Variants in ZNF180 observed in about 807,000 individuals in gnomAD.
ZNF180 encodes the protein zinc finger protein 180 (HHZ168).
A neutral mutation model predicts 11.8 loss-of-function variants in ZNF180; 11 were observed. The observed-to-expected ratio is 0.93, with a 90% CI of 0.59 to 1.55. The LOEUF is 1.55. ZNF180 is among the 40% of genes most tolerant of loss of function. The pLI, the probability that ZNF180 is intolerant of heterozygous loss-of-function variation, is 0.00. For synonymous variants in ZNF180, 287 were observed against 257.7 expected, an observed-to-expected ratio of 1.11 and a Z score of -1.09; for missense variants, 773 against 781.7, an observed-to-expected ratio of 0.99 and a Z score of 0.13.
intron 1 of ZNF180, among the ~76,000 whole-genome samples, chr19:44,498,654 G>A (rs539219916): frequency 9.2e-5 from 14 of 152,136 alleles, no homozygotes; most frequent in South Asian, 2.1e-4. Flanking sequence ...ACCAAACACC[G>A]GTGTGTGTGC....
At chr19:44,487,438 T>C (rs1332508308) in intron 2 of ZNF180, among the ~76,000 whole-genome samples, 1 of 152,226 alleles carries the variant, frequency 6.6e-6, no homozygotes, top group Non-Finnish European at 1.5e-5. Context: ...ACTGCCTTTT[T>C]ATTTTTTGTA....
At position 44,479,288 on chromosome 19, in the gene ZNF180, G is replaced by C; in HGVS notation, c.248C>G (p.Ser83Cys). Residue 83 changes from serine to cysteine, a missense_variant, in exon 4 of 5, where the codon TCT (serine) becomes TGT (cysteine). Coordinates refer to ENST00000592529, the MANE Select transcript of ZNF180 (RefSeq NM_001278509.3). ...AAAGAGGAGTGTATTCTTACCCCAA[G>C]AGACTAGGTCCCTGTGGTTCTCCAG... ...VILENHRDLV[S>C]WDLATAVGKK... 6.2e-7 allele frequency: 1 copy of C among 1,613,382 alleles called. No individual in the cohort carries two copies. The highest frequency in any genetic ancestry group is 8.5e-7 in the Non-Finnish European group (1 of 1,179,678).
chr19:44,476,192 T>A lies in ZNF180; in HGVS notation c.*210A>T. 2.1e-6 allele frequency: 1 copy of A among 467,412 alleles called. No homozygotes were observed. Among genetic ancestry groups the A allele is most frequent in the South Asian group, 4.6e-5 (1 of 21,640 alleles). 29.0% of individuals were successfully genotyped at this position (467,412 alleles called of 1,614,324 possible). A position where few individuals can be genotyped will look rare whatever the true frequency, so the allele number is the denominator to read the frequency against. ...TATGTCATAAGAATCAAGTTTAACATTGTATATGGAATTGCCAGGTTGAAA... is the reference window on the plus strand; with the variant it reads ...TATGTCATAAGAATCAAGTTTAACAATGTATATGGAATTGCCAGGTTGAAA... On this transcript the variant is annotated 3_prime_UTR_variant, in exon 5 of 5. Coordinates refer to ENST00000592529, the MANE Select transcript of ZNF180 (RefSeq NM_001278509.3).
intron 3 of ZNF180, among the ~76,000 whole-genome samples, chr19:44,483,579 C>G (rs775863311): frequency 6.6e-6 from 1 of 152,196 alleles, no homozygotes; most frequent in Non-Finnish European, 1.5e-5. Context: ...CTATTTTAAG[C>G]CTTCTCTACC....
chr19:44,489,038 C>A (rs1970335808), intron 2 of ZNF180, among the ~76,000 whole-genome samples: 1 of 150,956 alleles, frequency 6.6e-6, no homozygotes, highest in Admixed American at 6.6e-5. Flanking sequence ...CCGGCAGCCA[C>A]CCCGTCCGGG....
Position 44,478,916 on chromosome 19 carries a change from G to A in ZNF180, c.253+367C>T, listed in dbSNP as rs573340513. ...GTGTCTGGTTCTCACTTGAACACAT[G>A]TATTGGAAAATTCTTTTTATATTCT... On this transcript the variant is annotated intron_variant, in intron 4 of 4. Coordinates refer to ENST00000592529, the MANE Select transcript of ZNF180 (RefSeq NM_001278509.3). 3.4e-4 allele frequency among the ~76,000 whole-genome samples: 52 copies of A among 152,294 alleles called. No individual in the cohort carries two copies. In the South Asian group the frequency reaches 0.01, roughly 30 times the overall value.
At chr19:44,488,431 G>A (rs1216166855) in intron 2 of ZNF180, among the ~76,000 whole-genome samples, 2 of 151,912 alleles carry the variant, frequency 1.3e-5, no homozygotes, top group East Asian at 3.9e-4. Flanking sequence ...CGCCTGACTG[G>A]TTTTCGTATT....
chr19:44,479,636 A>T (rs748318618), intron 3 of ZNF180, among the ~76,000 whole-genome samples: 1 of 152,244 alleles, frequency 6.6e-6, no homozygotes, highest in Non-Finnish European at 1.5e-5. Flanking sequence ...GGAATACCAG[A>T]TAAGAACTGA....
At chr19:44,489,480 A>G (rs892900454) in intron 2 of ZNF180, among the ~76,000 whole-genome samples, 2 of 131,206 alleles carry the variant, frequency 1.5e-5, no homozygotes, top group Admixed American at 8.6e-5. Flanking sequence ...GTGTCCACTC[A>G]GGGTTAAATG....
chr19:44,494,174 T>C (rs1316904668), intron 2 of ZNF180, among the ~76,000 whole-genome samples: 1 of 152,226 alleles, frequency 6.6e-6, no homozygotes, highest in East Asian at 1.9e-4. Context: ...AGGGCAGTGC[T>C]GTCTGTCTCA....
chr19:44,476,617 G>C lies in ZNF180; in HGVS notation c.1783C>G (p.Gln595Glu). 6.2e-7 allele frequency: 1 copy of C among 1,613,902 alleles called. No individual in the cohort carries two copies. Among genetic ancestry groups the C allele is most frequent in the Non-Finnish European group, 8.5e-7 (1 of 1,179,960 alleles). The part of the protein sequence containing the change: ...KSFRQSSCLT[Q>E]HQRTHTGEKP... ...TCTCCAGTATGAGTTCTCTGATGTT[G>C]AGTAAGGCATGAACTCTGTCTGAAG... Residue 595 changes from glutamine (Q) to glutamate (E), a missense_variant, in exon 5 of 5, where the codon CAA (glutamine) becomes GAA (glutamate). Physicochemically the swap from Gln to Glu is conservative, Grantham distance 29 (BLOSUM62 2). Coordinates refer to ENST00000592529, the MANE Select transcript of ZNF180 (RefSeq NM_001278509.3).
intron 2 of ZNF180, among the ~76,000 whole-genome samples, chr19:44,494,921 T>C (rs1478181661): frequency 6.6e-6 from 1 of 152,156 alleles, no homozygotes; most frequent in African/African-American, 2.4e-5. Context: ...TAGGTATGCG[T>C]AGTGGTATTA....
At chr19:44,483,682 TC>T (rs1270801141) in intron 3 of ZNF180, among the ~76,000 whole-genome samples, 2 of 139,972 alleles carry the variant, frequency 1.4e-5, no homozygotes, top group Non-Finnish European at 3.3e-5. Flanking sequence ...TCCCTCAACC[TC>T]ACTGTTCCTA....
chr19:44,488,216 GTCTCCC>G (rs369727764), intron 2 of ZNF180, among the ~76,000 whole-genome samples: 5,313 of 18,984 alleles, frequency 0.28, 1,546 homozygotes, highest in East Asian at 0.51. Flanking sequence ...TCTTTCCACG[GTCTCCC>G]TCTCCCTCTC....
chr19:44,496,672 C>CAAAAAAAAAAAAAAAAAAA (rs55678572), intron 2 of ZNF180: 5 of 71,624 alleles, frequency 7.0e-5, no homozygotes, highest in East Asian at 5.6e-4. Flanking sequence ...GACTCTGTCT[C>CAAAAAAAAAAAAAAAAAAA]AAAAAAAAAA....
At chr19:44,484,155 C>T (rs1435762993) in intron 3 of ZNF180, among the ~76,000 whole-genome samples, 1 of 152,200 alleles carries the variant, frequency 6.6e-6, no homozygotes, top group Non-Finnish European at 1.5e-5. Context: ...CCACCACACC[C>T]AGCTAACTTT....
rs78143887 is a variant in ZNF180 at position 44,497,304 on chromosome 19, G to A, written c.31C>T (p.Pro11Ser). ...CTCACCTGTGCACAGACCTTCGGGG[G>A]CTCTGGGGGCTTCTCATCCTGCTCT... MEEQDEKPPE[P>S]PKVCAQDSFL... Residue 11 changes from proline to serine, a missense_variant, in exon 2 of 5, where the codon CCC (proline) becomes TCC (serine). Physicochemically the swap from Pro to Ser is moderately conservative, Grantham distance 74 (BLOSUM62 -1). Coordinates refer to ENST00000592529, the MANE Select transcript of ZNF180 (RefSeq NM_001278509.3). 36 of 1,594,946 alleles carry A rather than the reference G, an allele frequency of 2.3e-5. No individual in the cohort carries two copies. The African/African-American group carries it at 4.0e-4, about 18-fold the overall frequency.
chr19:44,480,814 C>T (rs1320246287), intron 3 of ZNF180, among the ~76,000 whole-genome samples: 2 of 152,154 alleles, frequency 1.3e-5, no homozygotes, highest in Non-Finnish European at 2.9e-5. Flanking sequence ...CCACTTGTGG[C>T]ATTATGCTGG....
intron 2 of ZNF180, among the ~76,000 whole-genome samples, chr19:44,493,340 A>G (rs146891938): frequency 6.6e-6 from 1 of 152,296 alleles, no homozygotes; most frequent in African/African-American, 2.4e-5. Flanking sequence ...ATGAGCCACT[A>G]AAATCTCTAA....
Sources: gnomAD v4.1 joint callset for allele counts (sites outside exome capture counted in the v4.1 genomes callset) on GRCh38, gnomAD v4.1.1 for gene constraint, MANE v1.5 for transcripts, NCBI Gene and HGNC (gene_info 2026-07-23, HGNC 2026-07-21) for gene names.